Variants in TFEC observed in about 807,000 individuals in gnomAD.
The protein encoded by TFEC is class E basic helix-loop-helix protein 34.
A neutral mutation model predicts 41.6 loss-of-function variants in TFEC; 31 were observed. The observed-to-expected ratio is 0.74, with a 90% CI of 0.56 to 1.01. The LOEUF is 1.01. Ranked by LOEUF, TFEC falls within the 50% of genes least tolerant of loss-of-function variation. TFEC has a pLI of 0.00. For missense variants in TFEC, 402 were observed against 404.1 expected (o/e 0.99, Z 0.04); for synonymous variants, 143 against 140.6 (o/e 1.02, Z -0.12).
chr7:115,956,111 A>T (rs1202988580), intron 4 of TFEC, among the ~76,000 whole-genome samples: 1 of 151,952 alleles, frequency 6.6e-6, no homozygotes, highest in Non-Finnish European at 1.5e-5. Flanking sequence ...TTCCTCATTT[A>T]TTTTGGAAGA....
chr7:116,001,291 C>T (rs986162988), intron 1 of TFEC, among the ~76,000 whole-genome samples: 46 of 152,050 alleles, frequency 3.0e-4, no homozygotes, highest in African/African-American at 1.0e-3. Flanking sequence ...TTATCATATG[C>T]AAAAATCAAA....
intron 6 of TFEC, among the ~76,000 whole-genome samples, chr7:115,942,260 A>G (rs1316667328): frequency 6.6e-6 from 1 of 152,034 alleles, no homozygotes; most frequent in East Asian, 1.9e-4. Context: ...AGAAAGTAAT[A>G]AAGTGACTTT....
At chr7:116,148,211 G>A (rs889250136) in intron 1 of TFEC, among the ~76,000 whole-genome samples, 8 of 152,192 alleles carry the variant, frequency 5.3e-5, no homozygotes, top group African/African-American at 9.7e-5. Flanking sequence ...GGAACCCAGT[G>A]AGCAGGGGCC....
intron 3 of TFEC, among the ~76,000 whole-genome samples, chr7:116,104,340 A>C (rs1797668971): frequency 6.6e-6 from 1 of 152,172 alleles, no homozygotes; most frequent in South Asian, 2.1e-4. Context: ...AGGGTATTAG[A>C]TGCTGAGTCT....
rs142379233 is a variant in TFEC at position 115,944,405 on chromosome 7, C to T, written c.516-2365G>A. Among the ~76,000 whole-genome samples the T allele has an allele frequency of 2.3e-3, 355 of 151,356 alleles. 12 individuals are homozygous for T. Among genetic ancestry groups the T allele is most frequent in the Admixed American group, 0.02 (301 of 15,178 alleles). On this transcript the variant is annotated intron_variant, in intron 6 of 7. Transcript: ENST00000265440. ...TGTTTGGGTTTTGTTTTGTTAACAC[C>T]GGTCAAGAGATTGTCATTGCCTGGT...
intron 1 of TFEC, among the ~76,000 whole-genome samples, chr7:116,112,671 T>C (rs1797882964): frequency 6.6e-6 from 1 of 151,916 alleles, no homozygotes; most frequent in African/African-American, 2.4e-5. Context: ...GAGCAATGGA[T>C]ATATGTATAG....
intron 6 of TFEC, among the ~76,000 whole-genome samples, chr7:115,946,055 A>T (rs1468531995): frequency 6.6e-6 from 1 of 151,784 alleles, no homozygotes; most frequent in Non-Finnish European, 1.5e-5. Flanking sequence ...TAAAGTTTTT[A>T]TTAAAATTTG....
intron 4 of TFEC, among the ~76,000 whole-genome samples, chr7:115,955,014 A>G (rs995225128): frequency 6.6e-6 from 1 of 152,058 alleles, no homozygotes; most frequent in African/African-American, 2.4e-5. Flanking sequence ...TATAGTATTC[A>G]ATTATTATTT....
At chr7:115,977,950 A>T (rs1046029398) in intron 2 of TFEC, among the ~76,000 whole-genome samples, 2 of 151,956 alleles carry the variant, frequency 1.3e-5, no homozygotes, top group African/African-American at 2.4e-5. Flanking sequence ...TAACAAACAG[A>T]AAAGAAGATA....
chr7:115,963,304 C>A (rs368483156), intron 3 of TFEC, among the ~76,000 whole-genome samples: 1 of 151,708 alleles, frequency 6.6e-6, no homozygotes, highest in African/African-American at 2.4e-5. Context: ...ATTAGGATGG[C>A]TAATATCAAA....
intron 3 of TFEC, among the ~76,000 whole-genome samples, chr7:115,965,703 A>AG (rs1181550730): frequency 6.6e-6 from 1 of 151,692 alleles, no homozygotes; most frequent in Non-Finnish European, 1.5e-5. Context: ...CTGCTCTATA[A>AG]GAAAATAATA....
At chr7:116,073,912 C>A (rs1796889370) in intron 3 of TFEC, among the ~76,000 whole-genome samples, 1 of 151,384 alleles carries the variant, frequency 6.6e-6, no homozygotes, top group Non-Finnish European at 1.5e-5. Flanking sequence ...AGAAATAAAC[C>A]CTTACATTTA....
intron 2 of TFEC, among the ~76,000 whole-genome samples, chr7:115,977,793 A>C (rs1275841428): frequency 1.3e-5 from 2 of 152,166 alleles, no homozygotes; most frequent in African/African-American, 2.4e-5. Flanking sequence ...GATAAATTCT[A>C]TAAATATCAA....
intron 1 of TFEC, among the ~76,000 whole-genome samples, chr7:115,989,449 C>G (rs545435705): frequency 2.6e-5 from 4 of 152,144 alleles, no homozygotes; most frequent in Non-Finnish European, 4.4e-5. Flanking sequence ...GGCGGGGCAT[C>G]GCCTCACCCG....
intron 6 of TFEC, among the ~76,000 whole-genome samples, chr7:115,946,702 T>A (rs2130283256): frequency 6.6e-6 from 1 of 150,440 alleles, no homozygotes; most frequent in African/African-American, 2.4e-5. Context: ...TCTCTTCTTT[T>A]CTTTTCTTTT....
At position 115,959,396 on chromosome 7, in the gene TFEC, C is replaced by G. The variant is rs1032613728; in HGVS notation, c.268-2603G>C. Among the ~76,000 whole-genome samples, 3 of 151,720 alleles carry G rather than the reference C, an allele frequency of 2.0e-5. 1 individual carries two copies. In the South Asian group the frequency reaches 6.2e-4, roughly 32 times the overall value. Reference sequence around the variant, plus strand: ...TAGTTTCCTGGTATCAGAGGCTCTTCGCCGTAGATTTTATTCACATCTCCA... The same window carrying G: ...TAGTTTCCTGGTATCAGAGGCTCTTGGCCGTAGATTTTATTCACATCTCCA... On this transcript the variant is annotated intron_variant, in intron 3 of 7. Coordinates refer to ENST00000265440, the MANE Select transcript of TFEC (RefSeq NM_012252.4).
intron 1 of TFEC, among the ~76,000 whole-genome samples, chr7:116,021,819 C>T (rs1795406601): frequency 6.6e-6 from 1 of 152,078 alleles, no homozygotes; most frequent in African/African-American, 2.4e-5. Context: ...ACCAGGTTTC[C>T]AATGTATACA....
At chr7:116,088,005 T>A (rs1305107398) in intron 3 of TFEC, among the ~76,000 whole-genome samples, 1 of 152,104 alleles carries the variant, frequency 6.6e-6, no homozygotes, top group East Asian at 1.9e-4. Flanking sequence ...TCCCTGTAAG[T>A]CCATCTCTGA....
intron 3 of TFEC, among the ~76,000 whole-genome samples, chr7:116,078,806 G>A (rs1001726581): frequency 6.6e-6 from 1 of 151,906 alleles, no homozygotes; most frequent in African/African-American, 2.4e-5. Flanking sequence ...AAGATAAAGA[G>A]GGAATCCTCC....
Sources: gnomAD v4.1 joint callset for allele counts (sites outside exome capture counted in the v4.1 genomes callset) on GRCh38, gnomAD v4.1.1 for gene constraint, MANE v1.5 for transcripts, NCBI Gene and HGNC (gene_info 2026-07-23, HGNC 2026-07-21) for gene names.